AGBL1: variants seen among roughly 807,000 people sequenced by gnomAD.
The protein encoded by AGBL1 is cytosolic carboxypeptidase 4.
A neutral mutation model predicts 118.9 loss-of-function variants in AGBL1; 130 were observed. The observed-to-expected ratio is 1.09, with a 90% CI of 0.95 to 1.26. The LOEUF (loss-of-function observed/expected upper bound fraction) is 1.26. Ranked by LOEUF, AGBL1 falls within the 50% of genes most tolerant of loss-of-function variation. The probability of loss-of-function intolerance (pLI) is 0.00; values close to 1 mark genes in which losing one functional copy is unlikely to be tolerated. For missense variants in AGBL1, 1,584 were observed against 1,298.1 expected, an observed-to-expected ratio of 1.22 and a Z score of -3.38; for synonymous variants, 555 against 478.9, an observed-to-expected ratio of 1.16 and a Z score of -2.08.
intron 5 of AGBL1, among the ~76,000 whole-genome samples, chr15:86,176,182 G>C (rs751147695): frequency 6.6e-6 from 1 of 152,208 alleles, no homozygotes; most frequent in Non-Finnish European, 1.5e-5. Context: ...GTGCTAGCAT[G>C]GGGAATGATG....
intron 19 of AGBL1, among the ~76,000 whole-genome samples, chr15:86,527,160 G>T (rs897682396): frequency 4.6e-5 from 7 of 152,176 alleles, no homozygotes; most frequent in African/African-American, 1.7e-4. Context: ...AAAAAAGTAT[G>T]TTTCTCTGAG....
chr15:86,939,424 C>T (rs2080718461), intron 23 of AGBL1, among the ~76,000 whole-genome samples: 1 of 152,144 alleles, frequency 6.6e-6, no homozygotes, highest in South Asian at 2.1e-4. Flanking sequence ...TTCCCAGGGG[C>T]CCTCAGGCCT....
chr15:86,806,889 C>T (rs544086115), intron 22 of AGBL1, among the ~76,000 whole-genome samples: 33 of 151,782 alleles, frequency 2.2e-4, no homozygotes, highest in African/African-American at 6.5e-4. Flanking sequence ...ATATACAATA[C>T]GTGATATACC....
chr15:86,797,199 A>T (rs1340596688), intron 22 of AGBL1, among the ~76,000 whole-genome samples: 1 of 152,228 alleles, frequency 6.6e-6, no homozygotes, highest in African/African-American at 2.4e-5. Flanking sequence ...GATATTTTAT[A>T]TATAATTCTC....
intron 21 of AGBL1, among the ~76,000 whole-genome samples, chr15:86,589,746 C>G (rs536950516): frequency 6.6e-6 from 1 of 152,230 alleles, no homozygotes; most frequent in African/African-American, 2.4e-5. Flanking sequence ...CCTTTCCTCC[C>G]TCCCTCCCAT....
chr15:86,829,240 A>G (rs2141411210), intron 22 of AGBL1, among the ~76,000 whole-genome samples: 1 of 152,268 alleles, frequency 6.6e-6, no homozygotes, highest in South Asian at 2.1e-4. Context: ...GGTAAGAGGC[A>G]CAACTCTTAG....
chr15:86,373,010 T>C (rs1343859831), intron 17 of AGBL1, among the ~76,000 whole-genome samples: 1 of 152,208 alleles, frequency 6.6e-6, no homozygotes, highest in Non-Finnish European at 1.5e-5. Context: ...TCTTTTCTTT[T>C]CTTTCTTTTT....
At chr15:86,982,148 T>G (rs949064026) in intron 23 of AGBL1, among the ~76,000 whole-genome samples, 1 of 152,128 alleles carries the variant, frequency 6.6e-6, no homozygotes, top group African/African-American at 2.4e-5. Flanking sequence ...GTTACTGCCC[T>G]CAGAAAGAGT....
At chr15:87,016,421 G>C (rs1030447453) in intron 24 of AGBL1, among the ~76,000 whole-genome samples, 1 of 152,176 alleles carries the variant, frequency 6.6e-6, no homozygotes, top group Admixed American at 6.5e-5. Flanking sequence ...GTGGGTGCTT[G>C]CTAGGCTGAG....
intron 1 of AGBL1, among the ~76,000 whole-genome samples, chr15:86,123,341 G>A (rs1249486434): frequency 6.6e-6 from 1 of 152,178 alleles, no homozygotes; most frequent in Non-Finnish European, 1.5e-5. Context: ...CCAGGTTCAA[G>A]CAATTCTCCT....
At chr15:86,868,873 A>T (rs1567215780) in intron 22 of AGBL1, among the ~76,000 whole-genome samples, 1 of 152,232 alleles carries the variant, frequency 6.6e-6, no homozygotes, top group African/African-American at 2.4e-5. Context: ...GGAAAAAAAT[A>T]GAATAGAAAC....
At chr15:86,260,299 A>G (rs1327145549) in intron 9 of AGBL1, among the ~76,000 whole-genome samples, 1 of 152,222 alleles carries the variant, frequency 6.6e-6, no homozygotes, top group Non-Finnish European at 1.5e-5. Context: ...CCCATTTGAC[A>G]ATCTTAGGTA....
intron 23 of AGBL1, among the ~76,000 whole-genome samples, chr15:86,969,148 A>G (rs1026317397): frequency 6.6e-6 from 1 of 151,888 alleles, no homozygotes; most frequent in Non-Finnish European, 1.5e-5. Context: ...TCTAGCATCA[A>G]CTCAAAATTT....
intron 5 of AGBL1, among the ~76,000 whole-genome samples, chr15:86,218,354 G>T (rs1418554811): frequency 6.6e-5 from 10 of 152,174 alleles, no homozygotes; most frequent in African/African-American, 1.9e-4. Context: ...GACGTCTGGG[G>T]AGGGTCAAGT....
At chr15:86,904,376 A>G (rs1384073908) in intron 22 of AGBL1, among the ~76,000 whole-genome samples, 2 of 150,734 alleles carry the variant, frequency 1.3e-5, no homozygotes, top group Non-Finnish European at 3.0e-5. Flanking sequence ...TATAATATTG[A>G]AGGAAATTAG....
intron 22 of AGBL1, among the ~76,000 whole-genome samples, chr15:86,742,071 G>C (rs1480879794): frequency 2.0e-5 from 3 of 151,836 alleles, no homozygotes; most frequent in African/African-American, 7.3e-5. Context: ...GGAGAGGAGG[G>C]TTGAGAGGCC....
chr15:86,932,547 A>C (rs1001038371), intron 23 of AGBL1, among the ~76,000 whole-genome samples: 1 of 152,234 alleles, frequency 6.6e-6, no homozygotes, highest in Non-Finnish European at 1.5e-5. Flanking sequence ...AATTGTTTGA[A>C]AAGAGAATTG....
chr15:86,161,137 G>T (rs1475831288), intron 5 of AGBL1, among the ~76,000 whole-genome samples: 1 of 152,160 alleles, frequency 6.6e-6, no homozygotes, highest in African/African-American at 2.4e-5. Flanking sequence ...ATCACAAAAG[G>T]AGCCTTCCAG....
intron 5 of AGBL1, among the ~76,000 whole-genome samples, chr15:86,214,325 A>G (rs1487816466): frequency 1.3e-5 from 2 of 152,220 alleles, no homozygotes; most frequent in Admixed American, 6.5e-5. Context: ...TTTGACTTAT[A>G]AGAGTTCAAC....
Sources: gnomAD v4.1 joint callset for allele counts (sites outside exome capture counted in the v4.1 genomes callset) on GRCh38, gnomAD v4.1.1 for gene constraint, MANE v1.5 for transcripts, NCBI Gene and HGNC (gene_info 2026-07-23, HGNC 2026-07-21) for gene names.